The following ZBTB16 variants were observed in gnomAD, a reference collection of about 807,000 sequenced individuals.
ZBTB16 encodes the protein zinc finger and BTB domain-containing protein 16.
Under a neutral mutation model 56.8 loss-of-function variants are expected in ZBTB16, and 8 were observed. The ratio of observed to expected loss-of-function variants is 0.14; its 90% CI spans 0.08 to 0.25. The LOEUF is 0.25. ZBTB16 is among the 10% of genes least tolerant of loss of function. ZBTB16 has a pLI of 1.00. For synonymous variants in ZBTB16, 363 were observed against 368.5 expected (o/e 0.98, Z 0.17); for missense variants, 625 against 903.0 (o/e 0.69, Z 3.95).
chr11:114,076,805 C>A (rs1009784250), intron 2 of ZBTB16, among the ~76,000 whole-genome samples: 1 of 152,166 alleles, frequency 6.6e-6, no homozygotes, highest in Non-Finnish European at 1.5e-5. Context: ...TGGCCCCTTT[C>A]CTCACTTTCT....
intron 4 of ZBTB16, among the ~76,000 whole-genome samples, chr11:114,207,619 A>G (rs954138082): frequency 6.6e-6 from 1 of 151,818 alleles, no homozygotes; most frequent in Non-Finnish European, 1.5e-5. Context: ...ACACACACAC[A>G]CACACACATA....
At chr11:114,245,153 T>C (rs1944788882) in intron 5 of ZBTB16, among the ~76,000 whole-genome samples, 1 of 152,190 alleles carries the variant, frequency 6.6e-6, no homozygotes, top group Non-Finnish European at 1.5e-5. Context: ...TGCACAGGCC[T>C]CCACTCCCTT....
chr11:114,080,805 GT>G, intron 2 of ZBTB16, among the ~76,000 whole-genome samples: 1 of 152,332 alleles, frequency 6.6e-6, no homozygotes, highest in East Asian at 1.9e-4. Flanking sequence ...GCTAAGGTTT[GT>G]TTATTTTCGG....
At chr11:114,099,415 G>A (rs1940530410) in intron 2 of ZBTB16, among the ~76,000 whole-genome samples, 1 of 151,914 alleles carries the variant, frequency 6.6e-6, no homozygotes, top group Admixed American at 6.6e-5. Flanking sequence ...TTATAATAAG[G>A]AAGTGTAGGT....
intron 2 of ZBTB16, among the ~76,000 whole-genome samples, chr11:114,128,691 T>C (rs1941580220): frequency 6.6e-6 from 1 of 152,128 alleles, no homozygotes. Flanking sequence ...TAAAGTGAAG[T>C]TCAGGTCCTC....
chr11:114,205,878 C>T (rs1361698907), intron 4 of ZBTB16, among the ~76,000 whole-genome samples: 1 of 152,240 alleles, frequency 6.6e-6, no homozygotes, highest in Non-Finnish European at 1.5e-5. Flanking sequence ...CTCTGGGGAA[C>T]ACACTTGAGG....
At chr11:114,224,721 C>T (rs364729) in intron 4 of ZBTB16, among the ~76,000 whole-genome samples, 87,778 of 151,890 alleles carry the variant, frequency 0.58, 26,080 homozygotes, top group East Asian at 0.73. Context: ...CGATGGAGAT[C>T]GAGGAGTTGC....
intron 2 of ZBTB16, among the ~76,000 whole-genome samples, chr11:114,120,420 G>A (rs1214216491): frequency 1.1e-4 from 16 of 152,110 alleles, no homozygotes; most frequent in Non-Finnish European, 1.5e-5. Flanking sequence ...TGTTCATCTT[G>A]AACTCCCTTC....
At chr11:114,104,991 G>T (rs1351982441) in intron 2 of ZBTB16, among the ~76,000 whole-genome samples, 1 of 152,128 alleles carries the variant, frequency 6.6e-6, no homozygotes, top group African/African-American at 2.4e-5. Context: ...CCATTTTGCA[G>T]AGCAGGCCAG....
chr11:114,075,997 G>C (rs910520587), intron 2 of ZBTB16, among the ~76,000 whole-genome samples: 1 of 152,114 alleles, frequency 6.6e-6, no homozygotes, highest in African/African-American at 2.4e-5. Context: ...GCCTCTTCTT[G>C]AGAAAAAATG....
chr11:114,244,899 A>C (rs1357236424), intron 5 of ZBTB16, among the ~76,000 whole-genome samples: 1 of 152,026 alleles, frequency 6.6e-6, no homozygotes, highest in Non-Finnish European at 1.5e-5. Context: ...CTGCCGATGT[A>C]CGTTTTAATT....
chr11:114,097,637 G>A (rs1160014988), intron 2 of ZBTB16, among the ~76,000 whole-genome samples: 4 of 151,924 alleles, frequency 2.6e-5, no homozygotes, highest in South Asian at 4.2e-4. Flanking sequence ...TCAGTCTAGC[G>A]TTGCCCTTTA....
chr11:114,157,299 A>C (rs1426453876), intron 3 of ZBTB16, among the ~76,000 whole-genome samples: 1 of 152,052 alleles, frequency 6.6e-6, no homozygotes, highest in Non-Finnish European at 1.5e-5. Context: ...AAAGGTTCAA[A>C]TCCTGTTTGT....
At chr11:114,216,361 G>A (rs896474834) in intron 4 of ZBTB16, among the ~76,000 whole-genome samples, 1 of 152,180 alleles carries the variant, frequency 6.6e-6, no homozygotes, top group Non-Finnish European at 1.5e-5. Flanking sequence ...GCTCAGACTG[G>A]CTGGTGGGCC....
intron 3 of ZBTB16, among the ~76,000 whole-genome samples, chr11:114,166,368 C>T (rs1201215079): frequency 6.6e-6 from 1 of 151,978 alleles, no homozygotes; most frequent in Non-Finnish European, 1.5e-5. Flanking sequence ...CAGGATTGGA[C>T]AGTCCTTTGG....
At chr11:114,126,200 C>T (rs1162436758) in intron 2 of ZBTB16, among the ~76,000 whole-genome samples, 3 of 152,134 alleles carry the variant, frequency 2.0e-5, no homozygotes, top group South Asian at 2.1e-4. Flanking sequence ...TTTGCCCAGG[C>T]GTGGATAATG....
At chr11:114,111,752 C>G (rs1267446545) in intron 2 of ZBTB16, among the ~76,000 whole-genome samples, 1 of 152,200 alleles carries the variant, frequency 6.6e-6, no homozygotes, top group African/African-American at 2.4e-5. Context: ...CTTTCCGTCT[C>G]CCTCTCCTGG....
intron 2 of ZBTB16, among the ~76,000 whole-genome samples, chr11:114,109,566 A>G (rs181682813): frequency 1.4e-4 from 21 of 152,266 alleles, no homozygotes; most frequent in African/African-American, 4.8e-4. Flanking sequence ...GTGTTCCCGC[A>G]GGATGGGTTA....
Position 114,251,829 on chromosome 11 carries a change from GCTT to G in ZBTB16, c.*1278_*1280del, listed in dbSNP as rs1206097356. Among the ~76,000 whole-genome samples, 20 of 152,154 alleles carry G rather than the reference GCTT, an allele frequency of 1.3e-4. No homozygotes were observed. Among genetic ancestry groups the G allele is most frequent in the Non-Finnish European group, 1.9e-4 (13 of 68,032 alleles). ...GCGCTTTGGCCTTGTGTTATGTTTT[GCTT>G]CTTTTCTGTGTCCCCTGTTAGCACA... On this transcript the variant is annotated 3_prime_UTR_variant, in exon 7 of 7. Transcript: ENST00000335953.
Sources: allele counts gnomAD v4.1 joint callset (sites outside exome capture counted in the v4.1 genomes callset), GRCh38; gene constraint gnomAD v4.1.1; transcripts MANE v1.5; gene names NCBI Gene and HGNC (gene_info 2026-07-23, HGNC 2026-07-21).